The following KDM5B variants were observed in gnomAD, a reference collection of about 807,000 sequenced individuals.
KDM5B encodes lysine-specific demethylase 5B.
In KDM5B, 144 loss-of-function variants were observed where a neutral mutation model predicts 193.4. The ratio of observed to expected loss-of-function variants is 0.74; its 90% CI spans 0.65 to 0.86. KDM5B has a LOEUF of 0.86. KDM5B is among the 40% of genes least tolerant of loss of function. The probability of loss-of-function intolerance (pLI) is 0.00; values close to 1 mark genes in which losing one functional copy is unlikely to be tolerated. For missense variants in KDM5B, 1,833 were observed against 1,886.9 expected (o/e 0.97, Z 0.53); for synonymous variants, 668 against 682.6 (o/e 0.98, Z 0.33).
At chr1:202,756,569 C>A in intron 9 of KDM5B, 53 bp from the exon 10 acceptor site, 3 of 1,374,910 alleles carry the variant, frequency 2.2e-6, no homozygotes, top group South Asian at 1.6e-5. Flanking sequence ...TGTCTGTGAC[C>A]AATTAAGCTC....
chr1:202,790,817 G>A (rs1657615793), intron 1 of KDM5B, among the ~76,000 whole-genome samples: 1 of 152,094 alleles, frequency 6.6e-6, no homozygotes, highest in Admixed American at 6.6e-5. Context: ...TAGCATTCAA[G>A]GCACCATCTT....
chr1:202,791,640 G>A (rs181110590), intron 1 of KDM5B, among the ~76,000 whole-genome samples: 182 of 152,022 alleles, frequency 1.2e-3, no homozygotes, highest in Admixed American at 2.5e-3. Flanking sequence ...TTAACCACTC[G>A]GTACATAACT....
chr1:202,791,473 C>G (rs1379271048), intron 1 of KDM5B, among the ~76,000 whole-genome samples: 1 of 152,150 alleles, frequency 6.6e-6, no homozygotes, highest in East Asian at 1.9e-4. Flanking sequence ...CAACCAAATT[C>G]TCTTCCTTCC....
intron 1 of KDM5B, among the ~76,000 whole-genome samples, chr1:202,799,805 T>C (rs1469828705): frequency 1.3e-5 from 2 of 152,178 alleles, no homozygotes; most frequent in African/African-American, 4.8e-5. Context: ...CCATGTGAAA[T>C]GAAATCAACA....
intron 1 of KDM5B, among the ~76,000 whole-genome samples, chr1:202,788,049 G>C (rs1657483864): frequency 6.6e-6 from 1 of 152,184 alleles, no homozygotes; most frequent in Non-Finnish European, 1.5e-5. Context: ...ACGCCCTGCA[G>C]AACACCCCAT....
chr1:202,778,334 T>A (rs1490485526), intron 1 of KDM5B, among the ~76,000 whole-genome samples: 2 of 152,054 alleles, frequency 1.3e-5, no homozygotes, highest in African/African-American at 4.8e-5. Context: ...AATTGTTACC[T>A]ACGAAGGGAG....
chr1:202,730,006 G>T lies in KDM5B; in HGVS notation c.4198C>A (p.Arg1400=). 1 of 1,610,852 alleles carries T rather than the reference G, an allele frequency of 6.2e-7. No individual in the cohort carries two copies. ...CTCTCAAGACTGTTAATTCCATCTC[G>T]CTTCCCTCGGCAACAGTCATTCTGG... is the stretch of plus-strand genomic sequence containing the variant. The part of the protein sequence containing the change: ...SEKNDCCRGK[R]DGINSLERKL... Residue 1400 remains arginine (R), a synonymous_variant, in exon 26 of 27, where the codon CGA becomes AGA. Transcript: ENST00000367265.
intron 1 of KDM5B, among the ~76,000 whole-genome samples, chr1:202,780,773 A>G (rs2102311206): frequency 6.8e-6 from 1 of 147,280 alleles, no homozygotes; most frequent in African/African-American, 2.4e-5. Context: ...ATGTAATTGC[A>G]GCTTTTGCCA....
At chr1:202,736,136 C>T (rs1347870869) in intron 21 of KDM5B, 77 bp downstream of exon 21, 1 of 1,045,280 alleles carries the variant, frequency 9.6e-7, no homozygotes, top group East Asian at 2.7e-5. Flanking sequence ...GTGATGTCAT[C>T]TTTGTATGTG....
At chr1:202,769,446 GATCA>G (rs1656618641) in intron 4 of KDM5B, among the ~76,000 whole-genome samples, 1 of 151,350 alleles carries the variant, frequency 6.6e-6, no homozygotes, top group Non-Finnish European at 1.5e-5. Flanking sequence ...AAGGCAGGTA[GATCA>G]CTTGAGGTCA....
chr1:202,803,237 G>A (rs966313020), intron 1 of KDM5B, among the ~76,000 whole-genome samples: 1 of 151,964 alleles, frequency 6.6e-6, no homozygotes, highest in South Asian at 2.1e-4. Flanking sequence ...TACTCATTTC[G>A]CTCTTTTAAA....
intron 4 of KDM5B, 105 bp downstream of exon 4, chr1:202,773,013 A>C (rs1184792700): frequency 2.3e-6 from 2 of 875,614 alleles, no homozygotes; most frequent in East Asian, 2.5e-5. Flanking sequence ...AGGTCTTCTA[A>C]AACAAGGTCT....
intron 20 of KDM5B, 70 bp from the exon 21 acceptor site, chr1:202,736,462 A>ATTCAGATTGGTCCATTGAGTAC (rs1407957032): frequency 1.9e-5 from 24 of 1,283,176 alleles, no homozygotes; most frequent in Non-Finnish European, 2.5e-5. Flanking sequence ...GAAAAGCTTA[A>ATTCAGATTGGTCCATTGAGTAC]TTCAGATTGG....
chr1:202,767,138 A>G, intron 4 of KDM5B, 78 bp from the exon 5 acceptor site: 2 of 1,593,024 alleles, frequency 1.3e-6, no homozygotes, highest in Middle Eastern at 1.8e-4. Context: ...CATATCTAGC[A>G]TGCCACATGA....
At chr1:202,791,467 CA>C (rs1316247559) in intron 1 of KDM5B, among the ~76,000 whole-genome samples, 2 of 152,140 alleles carry the variant, frequency 1.3e-5, no homozygotes, top group Non-Finnish European at 2.9e-5. Flanking sequence ...TACCTCCAAC[CA>C]AATTCTCTTC....
At chr1:202,750,007 A>AT in intron 13 of KDM5B, among the ~76,000 whole-genome samples, 1 of 152,242 alleles carries the variant, frequency 6.6e-6, no homozygotes, top group Non-Finnish European at 1.5e-5. Flanking sequence ...CAGATAATGT[A>AT]AGCTAGTACT....
Position 202,736,344 on chromosome 1 carries a change from G to C in KDM5B, c.3133C>G (p.Arg1045Gly). 6.2e-7 allele frequency: 1 copy of C among 1,611,352 alleles called. No homozygotes were observed. The highest frequency in any genetic ancestry group is 8.5e-7 in the Non-Finnish European group (1 of 1,178,634). ...AGATGTACGGGGATAGATCGGCCTC[G>C]TGTAACAAGTTCTATGAGTGTGTCT... ...VLDTLIELVT[R>G]GRSIPVHLNS... The change falls in exon 21 of 27, where the codon CGA (arginine) becomes GGA (glycine). Residue 1045 changes from arginine to glycine, a missense_variant. Coordinates refer to ENST00000367265, the MANE Select transcript of KDM5B (RefSeq NM_006618.5).
intron 1 of KDM5B, among the ~76,000 whole-genome samples, chr1:202,783,870 ACT>A (rs1396405385): frequency 6.6e-6 from 1 of 151,820 alleles, no homozygotes; most frequent in East Asian, 1.9e-4. Flanking sequence ...ACAGAGCGAG[ACT>A]CTGTCTCAAA....
At position 202,750,702 on chromosome 1, in the gene KDM5B, C is replaced by A; in HGVS notation, c.1778G>T (p.Gly593Val). The change falls in exon 13 of 27, where the codon GGT (glycine) becomes GTT (valine). Residue 593 changes from glycine (G) to valine (V), a missense_variant. This residue lies in a region of KDM5B where 1,379 missense variants were observed against 1,349.6 expected (regional missense o/e 1.02). Transcript: ENST00000367265. ...PRAYHSGFNQ[G>V]FNFAEAVNFC... The stretch of plus-strand genomic sequence containing the variant: ...GTTAACAGCCTCAGCAAAATTAAAA[C>A]CCTGGTTAAAACCACTGTGGTAGGC... 2.5e-6 allele frequency: 4 copies of A among 1,613,986 alleles called. No homozygotes were observed. The highest frequency in any genetic ancestry group is 2.5e-6 in the Non-Finnish European group (3 of 1,179,872).
Sources: allele counts gnomAD v4.1 joint callset (sites outside exome capture counted in the v4.1 genomes callset), GRCh38; gene constraint gnomAD v4.1.1; regional missense constraint gnomAD v4.1.1; transcripts MANE v1.5; gene names NCBI Gene and HGNC (gene_info 2026-07-23, HGNC 2026-07-21).